FSIP1: variants seen among roughly 807,000 people sequenced by gnomAD.
FSIP1 encodes the protein fibrous sheath interacting protein 1, also known as fibrous sheath-interacting protein 1.
A neutral mutation model predicts 60.9 loss-of-function variants in FSIP1; 65 were observed. The observed-to-expected ratio is 1.07, with a 90% CI of 0.87 to 1.31. The LOEUF is 1.31. FSIP1 is among the 40% of genes most tolerant of loss of function. The pLI is 0.00. For synonymous variants in FSIP1, 209 were observed against 221.2 expected, an observed-to-expected ratio of 0.94 and a Z score of 0.49; for missense variants, 675 against 665.5, an observed-to-expected ratio of 1.01 and a Z score of -0.16.
intron 5 of FSIP1, among the ~76,000 whole-genome samples, chr15:39,750,718 T>G (rs1897137111): frequency 6.6e-6 from 1 of 151,792 alleles, no homozygotes; most frequent in Non-Finnish European, 1.5e-5. Flanking sequence ...TGCCTTAATA[T>G]CACCCTGGGC....
intron 5 of FSIP1, among the ~76,000 whole-genome samples, chr15:39,753,218 A>G (rs1897214423): frequency 3.3e-5 from 5 of 152,128 alleles, no homozygotes; most frequent in Admixed American, 1.3e-4. Context: ...TATTTGAACC[A>G]GATGGTTTTT....
At chr15:39,741,680 G>T in intron 6 of FSIP1, 125 bp downstream of exon 6, 1 of 560,774 alleles carries the variant, frequency 1.8e-6, no homozygotes, top group Non-Finnish European at 3.2e-6. Context: ...GTGTCATCTT[G>T]AACTCTACTT....
At chr15:39,628,457 A>G (rs1232247848) in intron 10 of FSIP1, among the ~76,000 whole-genome samples, 1 of 152,228 alleles carries the variant, frequency 6.6e-6, no homozygotes, top group Non-Finnish European at 1.5e-5. Context: ...CCAGGGGGCT[A>G]AAAGGAGTGA....
chr15:39,673,369 A>C (rs996988580), intron 10 of FSIP1, among the ~76,000 whole-genome samples: 1 of 152,224 alleles, frequency 6.6e-6, no homozygotes, highest in Non-Finnish European at 1.5e-5. Context: ...GCTAGAATAC[A>C]GTGACCCAAT....
chr15:39,722,962 C>T (rs72727068), intron 9 of FSIP1, among the ~76,000 whole-genome samples: 18,046 of 151,948 alleles, frequency 0.12, 1,310 homozygotes, highest in African/African-American at 0.2. Context: ...TCTATGGCAC[C>T]TGCCTGTGCT....
chr15:39,728,566 G>C (rs1896286409), intron 8 of FSIP1, among the ~76,000 whole-genome samples: 1 of 152,160 alleles, frequency 6.6e-6, no homozygotes, highest in Admixed American at 6.5e-5. Flanking sequence ...AAATGGTGCT[G>C]GCATAACTGG....
chr15:39,713,339 G>T, intron 10 of FSIP1, 105 bp downstream of exon 10: 2 of 960,808 alleles, frequency 2.1e-6, no homozygotes, highest in Non-Finnish European at 3.0e-6. Context: ...GGCTGAGGTG[G>T]GCAGGTCACT....
rs545285967 is a variant in FSIP1 at position 39,755,652 on chromosome 15, T to C, written c.559+8169A>G. The stretch of plus-strand genomic sequence containing the variant: ...GTAGAAAGAGACTACCAGATTTTCT[T>C]TGAGTATTTAACCCAAGCATCCAAG... On this transcript the variant is annotated intron_variant, in intron 5 of 11. Coordinates refer to ENST00000350221, the MANE Select transcript of FSIP1 (RefSeq NM_152597.5). Among the ~76,000 whole-genome samples the C allele has an allele frequency of 2.0e-5, 3 of 152,260 alleles. No individual in the cohort carries two copies. In the East Asian group the frequency reaches 5.8e-4, roughly 29 times the overall value.
At chr15:39,709,223 T>C (rs574208299) in intron 10 of FSIP1, among the ~76,000 whole-genome samples, 1 of 152,334 alleles carries the variant, frequency 6.6e-6, no homozygotes, top group African/African-American at 2.4e-5. Context: ...GTTTGATCCC[T>C]AGATCACCAA....
intron 5 of FSIP1, among the ~76,000 whole-genome samples, chr15:39,753,536 C>A (rs1897223288): frequency 6.6e-6 from 1 of 151,928 alleles, no homozygotes; most frequent in Admixed American, 6.6e-5. Context: ...TCTTCCATAA[C>A]CAAGAAGGGT....
intron 1 of FSIP1, among the ~76,000 whole-genome samples, chr15:39,779,842 T>C (rs1349034169): frequency 6.6e-6 from 1 of 152,238 alleles, no homozygotes; most frequent in African/African-American, 2.4e-5. Flanking sequence ...ATTTGGTATT[T>C]TGAGGTGAAT....
intron 8 of FSIP1, among the ~76,000 whole-genome samples, chr15:39,732,375 T>A (rs1896439097): frequency 6.6e-6 from 1 of 152,122 alleles, no homozygotes; most frequent in Admixed American, 6.5e-5. Context: ...ATCCCAGCAC[T>A]CTGGGAGGCT....
chr15:39,703,211 A>G lies in FSIP1; in HGVS notation c.1188+10233T>C, dbSNP rs1173934416. Among the ~76,000 whole-genome samples, 7 of 152,068 alleles carry G rather than the reference A, an allele frequency of 4.6e-5. No homozygotes were observed. In the East Asian group the frequency reaches 5.8e-4, roughly 13 times the overall value. On this transcript the variant is annotated intron_variant, in intron 10 of 11. Coordinates refer to ENST00000350221, the MANE Select transcript of FSIP1 (RefSeq NM_152597.5). ...TGGTCAGGCTGGTCTCGAACTCCCAACCTCAGGTGATCCACCCACCTCAGC... is the reference window on the plus strand; with the variant it reads ...TGGTCAGGCTGGTCTCGAACTCCCAGCCTCAGGTGATCCACCCACCTCAGC...
At chr15:39,753,601 T>C (rs1334585171) in intron 5 of FSIP1, among the ~76,000 whole-genome samples, 1 of 152,056 alleles carries the variant, frequency 6.6e-6, no homozygotes, top group Non-Finnish European at 1.5e-5. Context: ...TTTAAAACAT[T>C]AAATATGTTG....
chr15:39,744,908 G>C (rs984074899), intron 5 of FSIP1, among the ~76,000 whole-genome samples: 13 of 151,930 alleles, frequency 8.6e-5, no homozygotes, highest in Admixed American at 4.6e-4. Flanking sequence ...GGGTGGCATA[G>C]AGCCTTCCAC....
chr15:39,655,629 T>G (rs932227985), intron 10 of FSIP1, among the ~76,000 whole-genome samples: 6 of 152,200 alleles, frequency 3.9e-5, no homozygotes, highest in Non-Finnish European at 7.3e-5. Flanking sequence ...TGGATAAGTT[T>G]CTTAAACTCT....
At chr15:39,630,857 C>A (rs1000800888) in intron 10 of FSIP1, among the ~76,000 whole-genome samples, 2 of 152,190 alleles carry the variant, frequency 1.3e-5, no homozygotes, top group African/African-American at 4.8e-5. Context: ...ACACTCTATC[C>A]GGCATCTGAA....
intron 8 of FSIP1, among the ~76,000 whole-genome samples, chr15:39,727,661 C>G (rs768807514): frequency 2.6e-5 from 4 of 152,110 alleles, no homozygotes; most frequent in Non-Finnish European, 5.9e-5. Flanking sequence ...TTTACAGAAC[C>G]TGGAGATAAT....
intron 1 of FSIP1, among the ~76,000 whole-genome samples, chr15:39,781,888 T>C (rs963896299): frequency 4.6e-5 from 7 of 152,226 alleles, no homozygotes; most frequent in Non-Finnish European, 1.0e-4. Flanking sequence ...ATTGTGGTGG[T>C]TGGTAATTAC....
Sources: gnomAD v4.1 joint callset for allele counts (sites outside exome capture counted in the v4.1 genomes callset) on GRCh38, gnomAD v4.1.1 for gene constraint, MANE v1.5 for transcripts, NCBI Gene and HGNC (gene_info 2026-07-23, HGNC 2026-07-21) for gene names.